Variants in PCDHA2 observed in about 807,000 individuals in gnomAD.
PCDHA2 encodes protocadherin alpha-2.
PCDHA2 carries 58 observed loss-of-function variants against 66.0 expected under a neutral mutation model. The observed-to-expected ratio is 0.88, with a 90% CI of 0.71 to 1.09. The LOEUF (loss-of-function observed/expected upper bound fraction) is 1.09, where lower values mean the gene tolerates loss of function less well. PCDHA2 is among the 50% of genes least tolerant of loss of function. The pLI, the probability that PCDHA2 is intolerant of heterozygous loss-of-function variation, is 0.00. For missense variants in PCDHA2, 1,267 were observed against 1,242.3 expected, an observed-to-expected ratio of 1.02 and a Z score of -0.30; for synonymous variants, 634 against 554.0, an observed-to-expected ratio of 1.14 and a Z score of -2.03.
At chr5:140,875,868 G>A (rs781927681) in intron 1 of PCDHA2, 3 of 1,614,210 alleles carry the variant, frequency 1.9e-6, no homozygotes, top group Non-Finnish European at 8.5e-7. Context: ...ACCCGCCGGT[G>A]TTCAGAGAAA....
chr5:140,941,239 C>CTTTCTTTCTTTCTT (rs2092937531), intron 1 of PCDHA2, among the ~76,000 whole-genome samples: 2 of 134,500 alleles, frequency 1.5e-5, no homozygotes, highest in Non-Finnish European at 1.6e-5. Context: ...TTCTTTCTTT[C>CTTTCTTTCTTTCTT]TTTCTTTCTT....
At chr5:140,824,277 C>A in intron 1 of PCDHA2, 1 of 1,143,246 alleles carries the variant, frequency 8.7e-7, no homozygotes, top group Non-Finnish European at 1.3e-6. Context: ...GTATTATATG[C>A]TTTTTATGAG....
At chr5:140,966,836 C>T in intron 1 of PCDHA2, 1 of 1,565,250 alleles carries the variant, frequency 6.4e-7, no homozygotes, top group Non-Finnish European at 8.6e-7. Context: ...GCCCTGGCTG[C>T]TGCTACTGCC....
chr5:140,986,371 G>A (rs1453761888), intron 3 of PCDHA2, among the ~76,000 whole-genome samples: 1 of 152,116 alleles, frequency 6.6e-6, no homozygotes, highest in African/African-American at 2.4e-5. Context: ...AATGCGTTTT[G>A]GGGGGAGGGA....
At chr5:140,870,737 G>A in intron 1 of PCDHA2, 1 of 1,613,478 alleles carries the variant, frequency 6.2e-7, no homozygotes, top group Non-Finnish European at 8.5e-7. Flanking sequence ...CCGCCTCTGA[G>A]CAGCAACGTG....
chr5:140,841,601 G>A (rs2150319014), intron 1 of PCDHA2: 29 of 1,614,018 alleles, frequency 1.8e-5, no homozygotes, highest in South Asian at 8.8e-5. Context: ...CGACCGCGAG[G>A]AGCTGTGCGG....
Position 140,848,663 on chromosome 5 carries a change from G to A in PCDHA2, c.2388+51311G>A, listed in dbSNP as rs2150416390. ...TCGCGCAGGACCTGGGGCTGGAGCT[G>A]GCGGAGCTGGTGCCGCGCCTGTTCC... On this transcript the variant is annotated intron_variant, in intron 1 of 3. Transcript: ENST00000526136. 3.8e-6 allele frequency: 6 copies of A among 1,592,360 alleles called. No homozygotes were observed. In the Admixed American group the frequency reaches 5.1e-5, roughly 13 times the overall value.
At chr5:140,902,324 C>A (rs1554190388) in intron 1 of PCDHA2, among the ~76,000 whole-genome samples, 1 of 151,472 alleles carries the variant, frequency 6.6e-6, no homozygotes, top group Non-Finnish European at 1.5e-5. Context: ...AGGTGTAACT[C>A]ACTTCGCCTG....
At chr5:140,877,323 C>A in intron 1 of PCDHA2, 1 of 1,613,988 alleles carries the variant, frequency 6.2e-7, no homozygotes, top group Non-Finnish European at 8.5e-7. Context: ...CGGCGGTCGG[C>A]GCGCACATCC....
chr5:140,972,072 T>C (rs1380413898), intron 1 of PCDHA2, among the ~76,000 whole-genome samples: 1 of 152,212 alleles, frequency 6.6e-6, no homozygotes, highest in Non-Finnish European at 1.5e-5. Flanking sequence ...ATTAACTGCT[T>C]TTGGAAAAAG....
At position 140,805,427 on chromosome 5, in the gene PCDHA2, G is replaced by A. The variant is rs1193908994; in HGVS notation, c.2388+8075G>A. 3 of 1,056,242 alleles carry A rather than the reference G, an allele frequency of 2.8e-6. No homozygotes were observed. The South Asian group carries it at 1.1e-4, about 37-fold the overall frequency. 65.4% of individuals were successfully genotyped at this position (1,056,242 alleles called of 1,614,324 possible). ...GAAATTTGGTGGGTTTTTTGTTGTT[G>A]TTTTGGTTTTTGTGTGTGTGTGTTT... On this transcript the variant is annotated intron_variant, in intron 1 of 3. Transcript: ENST00000526136.
rs1446529645 is a variant in PCDHA2, at chr5:140,923,539, C to CA, written c.2389-55406dup. ...GTGAGATTCTGTCCCAAAAAAAGGA[C>CA]AAAATGAAATATCAGCAATGAAAGG... On this transcript the variant is annotated intron_variant, in intron 1 of 3. Coordinates refer to ENST00000526136, the MANE Select transcript of PCDHA2 (RefSeq NM_018905.3). 3.3e-5 allele frequency among the ~76,000 whole-genome samples: 5 copies of CA among 152,090 alleles called. No individual in the cohort carries two copies. The South Asian group carries it at 8.3e-4, about 25-fold the overall frequency.
At chr5:140,802,841 C>A (rs782694897) in intron 1 of PCDHA2, 27 of 1,613,536 alleles carry the variant, frequency 1.7e-5, no homozygotes, top group Non-Finnish European at 2.2e-5. Context: ...TGGGCAGCAA[C>A]GTGACGCTGC....
intron 1 of PCDHA2, chr5:140,805,187 A>G: frequency 2.0e-6 from 3 of 1,477,228 alleles, no homozygotes; most frequent in South Asian, 1.4e-5. Flanking sequence ...TGCCAAATAA[A>G]TATTGAATAG....
chr5:140,806,126 C>T (rs1164363367), intron 1 of PCDHA2, among the ~76,000 whole-genome samples: 1 of 152,108 alleles, frequency 6.6e-6, no homozygotes, highest in African/African-American at 2.4e-5. Flanking sequence ...TGACATTCTT[C>T]ATGGGTCAGG....
At chr5:140,856,691 G>A (rs2044151456) in intron 1 of PCDHA2, 1 of 1,596,420 alleles carries the variant, frequency 6.3e-7, no homozygotes, top group African/African-American at 1.3e-5. Context: ...GACAGCAACT[G>A]ATGGAGGCAA....
intron 1 of PCDHA2, chr5:140,801,859 A>G (rs781796006): frequency 6.2e-7 from 1 of 1,614,024 alleles, no homozygotes; most frequent in East Asian, 2.2e-5. Flanking sequence ...GGGAAACCAG[A>G]GCTCACTGGC....
intron 1 of PCDHA2, chr5:140,871,538 ATTATTTAAAATCCAGTTTTTT>A (rs2053161122): frequency 1.3e-5 from 20 of 1,507,314 alleles, no homozygotes; most frequent in Non-Finnish European, 1.8e-5. Context: ...TGTATGTGAA[ATTATTTAAAATCCAGTTTTTT>A]TTCACGGATT....
chr5:140,947,778 G>A (rs2094175732), intron 1 of PCDHA2, among the ~76,000 whole-genome samples: 2 of 151,456 alleles, frequency 1.3e-5, no homozygotes, highest in South Asian at 4.1e-4. Context: ...TATTGTAAAT[G>A]GATTTTAAAC....
Sources: allele counts gnomAD v4.1 joint callset (sites outside exome capture counted in the v4.1 genomes callset), GRCh38; gene constraint gnomAD v4.1.1; transcripts MANE v1.5; gene names NCBI Gene and HGNC (gene_info 2026-07-23, HGNC 2026-07-21).